ZC3H12B: variants seen among roughly 807,000 people sequenced by gnomAD.
ZC3H12B encodes the protein zinc finger CCCH-type containing 12B.
A neutral mutation model predicts 43.9 loss-of-function variants in ZC3H12B; 7 were observed. The ratio of observed to expected loss-of-function variants is 0.16; its 90% CI spans 0.09 to 0.30. ZC3H12B has a LOEUF of 0.30. Among genes scored for constraint, ZC3H12B ranks in the 10% least tolerant of loss-of-function variants. The pLI, the probability that ZC3H12B is intolerant of heterozygous loss-of-function variation, is 1.00. For missense variants in ZC3H12B, 475 were observed against 670.2 expected, an observed-to-expected ratio of 0.71 and a Z score of 3.22; for synonymous variants, 222 against 241.7, an observed-to-expected ratio of 0.92 and a Z score of 0.76.
the ZC3H12B span, among the ~76,000 whole-genome samples, chrX:65,279,449 G>A: frequency 2.3e-4 from 25 of 110,680 alleles, no homozygotes; most frequent in East Asian, 6.8e-3. Context: ...TGACAAAGCT[G>A]ACAAAAACAA....
the ZC3H12B span, among the ~76,000 whole-genome samples, chrX:65,127,428 G>A: frequency 3.6e-5 from 4 of 111,587 alleles, no homozygotes; most frequent in Non-Finnish European, 5.7e-5. Context: ...TGGACTCTAG[G>A]ATGGTTCTTG....
chrX:65,391,042 C>T (rs1314467770), intron 2 of ZC3H12B, among the ~76,000 whole-genome samples: 2 of 111,628 alleles, frequency 1.8e-5, no homozygotes, highest in African/African-American at 6.5e-5. Context: ...ATGGCAAGAA[C>T]ACAGTAAACA....
intron 2 of ZC3H12B, among the ~76,000 whole-genome samples, chrX:65,389,411 C>T (rs772618368): frequency 1.8e-5 from 2 of 112,445 alleles, no homozygotes; most frequent in Admixed American, 1.9e-4. Context: ...GAGCGGGGCT[C>T]CATGGGCGTA....
the ZC3H12B span, among the ~76,000 whole-genome samples, chrX:65,041,979 C>T: frequency 1.8e-5 from 2 of 111,654 alleles, no homozygotes; most frequent in African/African-American, 6.5e-5. Flanking sequence ...TGAAGCTGTC[C>T]ATAGAGCACA....
chrX:65,082,071 CAAAT>C, the ZC3H12B span, among the ~76,000 whole-genome samples: 1 of 111,578 alleles, frequency 9.0e-6, no homozygotes, highest in African/African-American at 3.3e-5. Flanking sequence ...TGTCTTAAAA[CAAAT>C]GAAAATGGAA....
the ZC3H12B span, among the ~76,000 whole-genome samples, chrX:65,311,312 C>A: frequency 1.8e-5 from 2 of 111,602 alleles, no homozygotes; most frequent in African/African-American, 3.3e-5. Context: ...AAAAAACAAC[C>A]CCATCAAAAA....
chrX:65,298,954 TG>T, the ZC3H12B span, among the ~76,000 whole-genome samples: 1 of 111,429 alleles, frequency 9.0e-6, no homozygotes, highest in African/African-American at 3.3e-5. Flanking sequence ...ACTCACTCAC[TG>T]TCACAATAAT....
chrX:65,238,778 A>G, the ZC3H12B span, among the ~76,000 whole-genome samples: 1 of 112,029 alleles, frequency 8.9e-6, no homozygotes, highest in African/African-American at 3.2e-5. Context: ...ATTCTGGTGC[A>G]TTGTCTCTTT....
At chrX:65,071,389 A>T in the ZC3H12B span, among the ~76,000 whole-genome samples, 2 of 105,716 alleles carry the variant, frequency 1.9e-5, no homozygotes, top group Non-Finnish European at 3.9e-5. Flanking sequence ...ACACCATACC[A>T]TTGGGCCTTG....
the ZC3H12B span, among the ~76,000 whole-genome samples, chrX:65,169,501 G>A: frequency 8.9e-6 from 1 of 112,025 alleles, no homozygotes; most frequent in Non-Finnish European, 1.9e-5. Context: ...TGAGAAGAAT[G>A]TATATTCTGT....
chrX:65,236,495 G>T, the ZC3H12B span, among the ~76,000 whole-genome samples: 3 of 111,552 alleles, frequency 2.7e-5, no homozygotes, highest in African/African-American at 9.8e-5. Flanking sequence ...TTCTCTGTAG[G>T]TTGTCTATTC....
At chrX:65,207,422 C>T in the ZC3H12B span, among the ~76,000 whole-genome samples, 3 of 110,528 alleles carry the variant, frequency 2.7e-5, no homozygotes, top group Non-Finnish European at 5.7e-5. Flanking sequence ...TGATATGTGG[C>T]AGCTAAGCTA....
the ZC3H12B span, among the ~76,000 whole-genome samples, chrX:65,102,207 A>G: frequency 1.8e-5 from 2 of 112,063 alleles, no homozygotes; most frequent in African/African-American, 6.5e-5. Flanking sequence ...AAAACTCTCC[A>G]TAAACTAGGT....
At chrX:65,398,230 C>T (rs1417029552) in intron 2 of ZC3H12B, among the ~76,000 whole-genome samples, 1 of 111,730 alleles carries the variant, frequency 9.0e-6, no homozygotes, top group African/African-American at 3.2e-5. Flanking sequence ...AATCCCTATC[C>T]AAATACCATT....
At chrX:65,062,299 C>T in the ZC3H12B span, among the ~76,000 whole-genome samples, 11 of 112,060 alleles carry the variant, frequency 9.8e-5, no homozygotes, top group African/African-American at 3.2e-4. Flanking sequence ...TTAGGTCTTA[C>T]GTTTAAGTCT....
At chrX:65,378,607 C>T (rs1556068675) in intron 2 of ZC3H12B, among the ~76,000 whole-genome samples, 1 of 112,040 alleles carries the variant, frequency 8.9e-6, no homozygotes, top group South Asian at 3.7e-4. Context: ...GGGGGAGGAG[C>T]CAAGATGGCC....
chrX:65,364,180 G>A (rs192587491), upstream of ZC3H12B, among the ~76,000 whole-genome samples: 19 of 110,648 alleles, frequency 1.7e-4, no homozygotes, highest in East Asian at 2.6e-3. Context: ...TGAGGCTACC[G>A]CTCTGCCCCG....
At chrX:65,332,925 G>A in the ZC3H12B span, among the ~76,000 whole-genome samples, 1 of 112,064 alleles carries the variant, frequency 8.9e-6, no homozygotes, top group African/African-American at 3.2e-5. Context: ...ATTTGTATAA[G>A]TGCAGCAAGA....
chrX:65,067,449 C>T, the ZC3H12B span, among the ~76,000 whole-genome samples: 8 of 110,524 alleles, frequency 7.2e-5, no homozygotes, highest in Non-Finnish European at 1.3e-4. Flanking sequence ...ACTCTACTTC[C>T]GCTTGCCCTC....
Sources: gnomAD v4.1 joint callset for allele counts (sites outside exome capture counted in the v4.1 genomes callset) on GRCh38, gnomAD v4.1.1 for gene constraint, MANE v1.5 for transcripts, NCBI Gene and HGNC (gene_info 2026-07-23, HGNC 2026-07-21) for gene names.